ABCC1: variants seen among roughly 807,000 people sequenced by gnomAD.
ABCC1 encodes the protein ATP binding cassette subfamily C member 1 (ABCC1 blood group).
In ABCC1, 83 loss-of-function variants were observed where a neutral mutation model predicts 172.9. That is an observed-to-expected ratio of 0.48 (90% CI 0.40 to 0.58). The LOEUF (loss-of-function observed/expected upper bound fraction) is 0.58. ABCC1 is among the 20% of genes least tolerant of loss of function. The pLI, the probability that ABCC1 is intolerant of heterozygous loss-of-function variation, is 0.00. For missense variants in ABCC1, 1,817 were observed against 2,002.7 expected, an observed-to-expected ratio of 0.91 and a Z score of 1.77; for synonymous variants, 937 against 825.2, an observed-to-expected ratio of 1.14 and a Z score of -2.32.
chr16:16,037,311 G>T (rs907261924), intron 7 of ABCC1, among the ~76,000 whole-genome samples: 1 of 152,128 alleles, frequency 6.6e-6, no homozygotes, highest in Non-Finnish European at 1.5e-5. Context: ...CCATTTGAGG[G>T]TGATTTTGGC....
rs34443742 is a variant in ABCC1, at chr16:16,119,258, TG to T, written c.3391-2714del. 3.4e-3 allele frequency among the ~76,000 whole-genome samples: 514 copies of T among 152,134 alleles called. 2 individuals carry two copies. The highest frequency in any genetic ancestry group is 9.4e-3 in the African/African-American group (390 of 41,508). Reference sequence around the variant, plus strand: ...GAGTTCGAGACCAGCCTGAGCAACATGGGAAAACCTGGTCTCTACAGAAAAT... The same window carrying T: ...GAGTTCGAGACCAGCCTGAGCAACATGGAAAACCTGGTCTCTACAGAAAAT... On this transcript the variant is annotated intron_variant, in intron 23 of 30. Coordinates refer to ENST00000399410, the MANE Select transcript of ABCC1 (RefSeq NM_004996.4).
intron 1 of ABCC1, among the ~76,000 whole-genome samples, chr16:15,992,849 C>T (rs1186491675): frequency 6.6e-6 from 1 of 152,160 alleles, no homozygotes; most frequent in Non-Finnish European, 1.5e-5. Context: ...GTGACTTCTC[C>T]CGCCCAATCT....
Position 16,083,513 on chromosome 16 carries a change from A to C in ABCC1, c.2263A>C (p.Ser755Arg). 6.2e-7 allele frequency: 1 copy of C among 1,613,586 alleles called. No homozygotes were observed. The highest frequency in any genetic ancestry group is 8.5e-7 in the Non-Finnish European group (1 of 1,179,870). Residue 755 changes from serine (S) to arginine (R), a missense_variant, in exon 17 of 31, where the codon AGT becomes CGT. Physicochemically the swap from Ser to Arg is moderately radical, Grantham distance 110 (BLOSUM62 -1). This residue lies in a region of ABCC1 where 1,412 missense variants were observed against 1,600.3 expected (regional missense o/e 0.88). Coordinates refer to ENST00000399410, the MANE Select transcript of ABCC1 (RefSeq NM_004996.4). ...CCTCCCAGACCTGGAAATCCTGCCC[A>C]GTGGGGATCGGACAGAGATTGGCGA... ...ALLPDLEILP[S>R]GDRTEIGEKG...
At chr16:16,063,641 T>C (rs1214947148) in intron 12 of ABCC1, among the ~76,000 whole-genome samples, 1 of 152,138 alleles carries the variant, frequency 6.6e-6, no homozygotes, top group Non-Finnish European at 1.5e-5. Flanking sequence ...AAAAAGACTT[T>C]TAAGCATGAA....
At chr16:15,976,688 C>T (rs574188183) in intron 1 of ABCC1, among the ~76,000 whole-genome samples, 1 of 152,274 alleles carries the variant, frequency 6.6e-6, no homozygotes, top group Non-Finnish European at 1.5e-5. Flanking sequence ...GAGCTGTTTA[C>T]TCCAACAGTG....
chr16:16,039,101 G>A lies in ABCC1; in HGVS notation c.809+2498G>A, dbSNP rs144862070. 3.7e-4 allele frequency among the ~76,000 whole-genome samples: 57 copies of A among 152,172 alleles called. No individual in the cohort carries two copies. The East Asian group carries it at 4.2e-3, about 11-fold the overall frequency. Reference sequence around the variant, plus strand: ...GGTGCCATCGACATTCTATATGGGAGACAGGACGTTGGTTGTGAAACATGC... The same window carrying A: ...GGTGCCATCGACATTCTATATGGGAAACAGGACGTTGGTTGTGAAACATGC... On this transcript the variant is annotated intron_variant, in intron 7 of 30. Transcript: ENST00000399410.
chr16:16,019,893 C>T (rs2048135712), intron 5 of ABCC1, among the ~76,000 whole-genome samples: 1 of 152,152 alleles, frequency 6.6e-6, no homozygotes, highest in Non-Finnish European at 1.5e-5. Context: ...TCGGCTCCTC[C>T]TGTGTCACTG....
chr16:15,960,255 A>ATT (rs200546156), intron 1 of ABCC1, among the ~76,000 whole-genome samples: 27 of 150,726 alleles, frequency 1.8e-4, no homozygotes, highest in African/African-American at 6.3e-4. Flanking sequence ...TAATTTTTGT[A>ATT]TTTTTTTTTG....
intron 1 of ABCC1, among the ~76,000 whole-genome samples, chr16:15,955,913 T>C (rs1597050125): frequency 1.3e-5 from 2 of 152,262 alleles, no homozygotes; most frequent in Non-Finnish European, 2.9e-5. Flanking sequence ...CAGTTGACCT[T>C]GGAACAATTC....
chr16:16,037,534 C>T (rs564559524), intron 7 of ABCC1, among the ~76,000 whole-genome samples: 1 of 152,274 alleles, frequency 6.6e-6, no homozygotes, highest in South Asian at 2.1e-4. Context: ...TTGTCTCGAG[C>T]CCGGACGAAC....
intron 30 of ABCC1, among the ~76,000 whole-genome samples, chr16:16,139,977 CATAG>C (rs1410648727): frequency 2.0e-5 from 3 of 152,176 alleles, no homozygotes; most frequent in Non-Finnish European, 4.4e-5. Flanking sequence ...TGAAAGCAGT[CATAG>C]ATAGTGCACG....
intron 1 of ABCC1, among the ~76,000 whole-genome samples, chr16:15,979,300 A>C (rs972003484): frequency 1.3e-5 from 2 of 151,866 alleles, no homozygotes; most frequent in African/African-American, 4.8e-5. Flanking sequence ...AAACAAACAA[A>C]CAAACAAACA....
chr16:16,005,033 T>C (rs557923743), intron 1 of ABCC1, among the ~76,000 whole-genome samples: 2 of 151,138 alleles, frequency 1.3e-5, no homozygotes, highest in South Asian at 2.1e-4. Flanking sequence ...TTTTTTTAAG[T>C]GAAGTGATCT....
At chr16:16,056,559 C>T in intron 12 of ABCC1, 1 of 489,202 alleles carries the variant, frequency 2.0e-6, no homozygotes, top group Non-Finnish European at 3.7e-6. Context: ...GTCCCAGCTA[C>T]TAGGGAGGCT....
At chr16:16,107,251 C>T (rs1203836567) in intron 21 of ABCC1, among the ~76,000 whole-genome samples, 8 of 152,132 alleles carry the variant, frequency 5.3e-5, no homozygotes, top group African/African-American at 9.7e-5. Flanking sequence ...TGTGCACAGA[C>T]GCATTAAATG....
rs544482107 is a variant in ABCC1 at position 16,009,828 on chromosome 16, T to A, written c.278T>A (p.Phe93Tyr). The A allele has an allele frequency of 3.7e-6, 6 of 1,611,996 alleles. No homozygotes were observed. The East Asian group carries it at 1.3e-4, about 36-fold the overall frequency. ...IVCWADLFYS[F>Y]WERSRGIFLA... ...TGCTGGGCAGACCTCTTCTACTCTT[T>A]CTGGGAAAGAAGTCGGGGCATATTC... The change falls in exon 3 of 31, where the codon TTC (phenylalanine) becomes TAC (tyrosine). Residue 93 changes from phenylalanine (F) to tyrosine (Y), a missense_variant. Transcript: ENST00000399410.
chr16:15,965,857 GA>G (rs1242528639), intron 1 of ABCC1, among the ~76,000 whole-genome samples: 2 of 152,150 alleles, frequency 1.3e-5, no homozygotes, highest in Admixed American at 1.3e-4. Context: ...AACGTGCTGG[GA>G]TTACAGGCGA....
intron 28 of ABCC1, among the ~76,000 whole-genome samples, chr16:16,135,036 C>T (rs2045866039): frequency 6.6e-6 from 1 of 152,174 alleles, no homozygotes. Flanking sequence ...GACTATCAGT[C>T]CCGACTTCCT....
intron 1 of ABCC1, among the ~76,000 whole-genome samples, chr16:15,983,762 G>A (rs938995176): frequency 7.1e-6 from 1 of 139,992 alleles, no homozygotes; most frequent in Admixed American, 7.4e-5. Flanking sequence ...CATCATGTTG[G>A]CCAGGCTCCT....
Sources: gnomAD v4.1 joint callset for allele counts (sites outside exome capture counted in the v4.1 genomes callset) on GRCh38, gnomAD v4.1.1 for gene constraint, gnomAD v4.1.1 regional missense constraint, MANE v1.5 for transcripts, NCBI Gene and HGNC (gene_info 2026-07-23, HGNC 2026-07-21) for gene names.